EGFR: variants seen among roughly 807,000 people sequenced by gnomAD.
EGFR encodes the protein avian erythroblastic leukemia viral (v-erb-b) oncogene homolog.
A neutral mutation model predicts 143.0 loss-of-function variants in EGFR; 58 were observed. The ratio of observed to expected loss-of-function variants is 0.41; its 90% CI spans 0.33 to 0.50. The LOEUF (loss-of-function observed/expected upper bound fraction) is 0.50. Among genes scored for constraint, EGFR ranks in the 20% least tolerant of loss-of-function variants. The pLI is 0.39. For missense variants in EGFR, 1,307 were observed against 1,579.0 expected (o/e 0.83, Z 2.92); for synonymous variants, 613 against 594.4 (o/e 1.03, Z -0.45).
chr7:55,060,488 A>G (rs1789102416), intron 1 of EGFR, among the ~76,000 whole-genome samples: 1 of 152,200 alleles, frequency 6.6e-6, no homozygotes, highest in South Asian at 2.1e-4. Context: ...CAAACAACAA[A>G]CATCTTAAGT....
intron 23 of EGFR, among the ~76,000 whole-genome samples, chr7:55,199,535 T>G (rs1787758796): frequency 1.3e-5 from 2 of 152,180 alleles, no homozygotes; most frequent in Non-Finnish European, 2.9e-5. Context: ...ACTTCCTTGG[T>G]TTGGGCTAAG....
rs1432070752 is a variant in EGFR at position 55,061,649 on chromosome 7, T to TGTGTGTGA, written c.88+42285_88+42286insTGTGTGAG. Among the ~76,000 whole-genome samples, 1,091 of 132,750 alleles carry TGTGTGTGA rather than the reference T, an allele frequency of 8.2e-3. 6 individuals are homozygous for TGTGTGTGA. Among genetic ancestry groups the TGTGTGTGA allele is most frequent in the African/African-American group, 0.026 (854 of 33,430 alleles). The allele number at this position is 132,750 out of a possible 152,430, so 87.1% of individuals were successfully genotyped here. A position where few individuals can be genotyped will look rare whatever the true frequency, so the allele number is the denominator to read the frequency against. On this transcript the variant is annotated intron_variant, in intron 1 of 27. Transcript: ENST00000275493. Reference sequence around the variant, plus strand: ...GTGTGTGTGTGTGTGTGTGTGTGTGTGAGAGAGAGAGAGAGAGAGAGAGAC... The same window carrying TGTGTGTGA: ...GTGTGTGTGTGTGTGTGTGTGTGTGTGTGTGTGAGAGAGAGAGAGAGAGAGAGAGAGAC...
chr7:55,144,705 C>T (rs1299216456), intron 3 of EGFR, among the ~76,000 whole-genome samples: 1 of 152,110 alleles, frequency 6.6e-6, no homozygotes, highest in Non-Finnish European at 1.5e-5. Flanking sequence ...TGGCCTGGTA[C>T]ACCGGTTCCT....
At chr7:55,041,231 G>A (rs775826155) in intron 1 of EGFR, among the ~76,000 whole-genome samples, 16 of 152,176 alleles carry the variant, frequency 1.1e-4, no homozygotes, top group Non-Finnish European at 1.6e-4. Flanking sequence ...TGGCCAACAT[G>A]GCAAAACCTC....
At position 55,206,212 on chromosome 7, in the gene EGFR, G is replaced by A. The variant is rs1394860645; in HGVS notation, c.*595G>A. On this transcript the variant is annotated 3_prime_UTR_variant, in exon 28 of 28. Coordinates refer to ENST00000275493, the MANE Select transcript of EGFR (RefSeq NM_005228.5). Reference sequence around the variant, plus strand: ...AGTCATGGCAGGTACAGTAGGATAAGCCACTCTGTCCCTTCCTGGGCAAAG... The same window carrying A: ...AGTCATGGCAGGTACAGTAGGATAAACCACTCTGTCCCTTCCTGGGCAAAG... 8.3e-6 allele frequency: 2 copies of A among 242,372 alleles called. No homozygotes were observed. Among genetic ancestry groups the A allele is most frequent in the African/African-American group, 4.4e-5 (2 of 45,378 alleles). 15.0% of individuals were successfully genotyped at this position (242,372 alleles called of 1,614,324 possible). A position where few individuals can be genotyped will look rare whatever the true frequency, so the allele number is the denominator to read the frequency against.
intron 1 of EGFR, among the ~76,000 whole-genome samples, chr7:55,066,805 T>C (rs544871374): frequency 2.0e-5 from 3 of 152,350 alleles, no homozygotes; most frequent in South Asian, 4.1e-4. Context: ...TCCTCTGAGA[T>C]AGACGGGAAC....
intron 1 of EGFR, among the ~76,000 whole-genome samples, chr7:55,038,776 G>T (rs1460576235): frequency 1.3e-5 from 2 of 152,106 alleles, no homozygotes; most frequent in Admixed American, 6.5e-5. Flanking sequence ...ACCTCACCTT[G>T]CAATATTATT....
chr7:55,096,454 T>A (rs1791474019), intron 1 of EGFR, among the ~76,000 whole-genome samples: 1 of 152,210 alleles, frequency 6.6e-6, no homozygotes, highest in African/African-American at 2.4e-5. Context: ...AATCCTGCTA[T>A]CTTTTCGGCT....
intron 1 of EGFR, among the ~76,000 whole-genome samples, chr7:55,045,239 C>A (rs922626532): frequency 1.3e-5 from 2 of 152,170 alleles, no homozygotes; most frequent in Non-Finnish European, 2.9e-5. Flanking sequence ...GTTTATTAAT[C>A]ATATATTATG....
At chr7:55,144,847 T>A (rs1443499893) in intron 3 of EGFR, among the ~76,000 whole-genome samples, 1 of 152,076 alleles carries the variant, frequency 6.6e-6, no homozygotes, top group Non-Finnish European at 1.5e-5. Context: ...CATTCTCCAA[T>A]CCCTCCGTGT....
chr7:55,026,338 T>G (rs1431263861), intron 1 of EGFR, among the ~76,000 whole-genome samples: 1 of 152,200 alleles, frequency 6.6e-6, no homozygotes, highest in Admixed American at 6.5e-5. Context: ...CATTAAAAGT[T>G]TCCTGCAGTG....
At chr7:55,173,457 G>C (rs780629739) in intron 17 of EGFR, among the ~76,000 whole-genome samples, 2 of 152,226 alleles carry the variant, frequency 1.3e-5, no homozygotes, top group Admixed American at 6.5e-5. Context: ...AGAGATTCCT[G>C]CTTTGGAAAA....
chr7:55,145,147 G>A (rs1794696466), intron 3 of EGFR, among the ~76,000 whole-genome samples: 3 of 152,192 alleles, frequency 2.0e-5, no homozygotes, highest in Admixed American at 2.0e-4. Context: ...TCCTCTGGCA[G>A]TCATTGCCTG....
intron 1 of EGFR, among the ~76,000 whole-genome samples, chr7:55,035,005 C>A (rs1787476456): frequency 6.6e-6 from 1 of 152,156 alleles, no homozygotes; most frequent in Non-Finnish European, 1.5e-5. Flanking sequence ...GGTTGTACAG[C>A]ACAGTAGTGG....
intron 1 of EGFR, among the ~76,000 whole-genome samples, chr7:55,097,466 G>A (rs537263625): frequency 2.6e-4 from 39 of 152,296 alleles, no homozygotes; most frequent in Non-Finnish European, 4.4e-4. Context: ...GTAAATCATC[G>A]CACATTCACC....
rs1786358360 is a variant in EGFR at position 55,019,183 on chromosome 7, C to G, written c.-95C>G. 3.7e-6 allele frequency: 4 copies of G among 1,085,586 alleles called. No homozygotes were observed. Among genetic ancestry groups the G allele is most frequent in the Non-Finnish European group, 3.8e-6 (3 of 783,512 alleles). The allele number at this position is 1,085,586 out of a possible 1,614,324, so 67.2% of individuals were successfully genotyped here. On this transcript the variant is annotated 5_prime_UTR_variant, in exon 1 of 28. Transcript: ENST00000275493. The stretch of plus-strand genomic sequence containing the variant: ...CCTCGTCGGCGTCCGCCCGAGTCCC[C>G]GCCTCGCCGCCAACGCCACAACCAC...
chr7:55,093,955 G>A (rs932536558), intron 1 of EGFR, among the ~76,000 whole-genome samples: 3 of 152,172 alleles, frequency 2.0e-5, no homozygotes, highest in Admixed American at 6.5e-5. Context: ...TAAAGCATCA[G>A]TTATGTTGTG....
intron 19 of EGFR, among the ~76,000 whole-genome samples, chr7:55,178,869 A>C (rs922538826): frequency 2.0e-5 from 3 of 152,232 alleles, no homozygotes; most frequent in African/African-American, 4.8e-5. Context: ...CTTGAATGCA[A>C]GTGGCCTGGA....
At chr7:55,125,034 T>C (rs1350656097) in intron 1 of EGFR, among the ~76,000 whole-genome samples, 1 of 152,206 alleles carries the variant, frequency 6.6e-6, no homozygotes, top group Non-Finnish European at 1.5e-5. Flanking sequence ...AGTGCAGATG[T>C]TGATTCAGCA....
Sources: allele counts gnomAD v4.1 joint callset (sites outside exome capture counted in the v4.1 genomes callset), GRCh38; gene constraint gnomAD v4.1.1; transcripts MANE v1.5; gene names NCBI Gene and HGNC (gene_info 2026-07-23, HGNC 2026-07-21).